CPLANE1: variants seen among roughly 807,000 people sequenced by gnomAD.
CPLANE1 encodes ciliogenesis and planar polarity effector 1.
CPLANE1 carries 263 observed loss-of-function variants against 362.5 expected under a neutral mutation model. The ratio of observed to expected loss-of-function variants is 0.73; its 90% CI spans 0.66 to 0.80. The LOEUF (loss-of-function observed/expected upper bound fraction) is 0.80. Among genes scored for constraint, CPLANE1 ranks in the 30% least tolerant of loss-of-function variants. CPLANE1 has a pLI of 0.00. For synonymous variants in CPLANE1, 1,212 were observed against 1,302.6 expected, an observed-to-expected ratio of 0.93 and a Z score of 1.50; for missense variants, 3,461 against 3,793.4, an observed-to-expected ratio of 0.91 and a Z score of 2.30.
intron 19 of CPLANE1, among the ~76,000 whole-genome samples, chr5:37,199,432 TC>T (rs1482759268): frequency 1.3e-5 from 2 of 152,180 alleles, no homozygotes; most frequent in Non-Finnish European, 2.9e-5. Flanking sequence ...GTGAAGCCCA[TC>T]CCTCTGTGCT....
intron 46 of CPLANE1, among the ~76,000 whole-genome samples, chr5:37,132,597 T>C (rs550755468): frequency 4.3e-4 from 66 of 152,260 alleles, no homozygotes; most frequent in Non-Finnish European, 7.4e-4. Context: ...CCGCCCGCCT[T>C]GGCCTCCCAA....
chr5:37,180,674 C>T (rs1214216084), intron 27 of CPLANE1, among the ~76,000 whole-genome samples, 183 bp downstream of exon 27: 1 of 152,048 alleles, frequency 6.6e-6, no homozygotes, highest in African/African-American at 2.4e-5. Context: ...TAAGCTAGAC[C>T]AAGAGGGAAG....
the CPLANE1 span, among the ~76,000 whole-genome samples, chr5:37,090,395 C>T: frequency 3.3e-5 from 5 of 152,172 alleles, no homozygotes; most frequent in Admixed American, 2.0e-4. Flanking sequence ...CTATTCAGGC[C>T]ACAAACAATG....
At chr5:37,154,342 T>C (rs1774405300) in intron 41 of CPLANE1, among the ~76,000 whole-genome samples, 1 of 152,132 alleles carries the variant, frequency 6.6e-6, no homozygotes, top group East Asian at 1.9e-4. Flanking sequence ...ATATTGGCTA[T>C]TACTGACTTT....
chr5:37,209,543 G>A lies in CPLANE1; in HGVS notation c.2921-3118C>T, dbSNP rs1489148028. The A allele has an allele frequency of 4.6e-6, 6 of 1,292,416 alleles. No homozygotes were observed. Among genetic ancestry groups the A allele is most frequent in the Non-Finnish European group, 6.8e-6 (6 of 888,186 alleles). The allele number at this position is 1,292,416 out of a possible 1,614,324, so 80.1% of individuals were successfully genotyped here. The stretch of plus-strand genomic sequence containing the variant: ...TATTGAGTGGAGAACTGCAACCTCA[G>A]TCCATTTCAGTGCAAGGGAGCTCCC... On this transcript the variant is annotated intron_variant, in intron 16 of 52. Coordinates refer to ENST00000651892, the MANE Select transcript of CPLANE1 (RefSeq NM_001384732.1). This position sits in a 1 kb window ranked among gnomAD's most constrained non-coding sequence, Gnocchi z 4.6.
At chr5:37,128,258 C>A (rs962374922) in intron 46 of CPLANE1, among the ~76,000 whole-genome samples, 22 of 152,230 alleles carry the variant, frequency 1.4e-4, no homozygotes, top group African/African-American at 4.3e-4. Flanking sequence ...TCAACTCAGT[C>A]ACCCAAGTAA....
chr5:37,137,096 C>CAG lies in CPLANE1; in HGVS notation c.8792+1623_8792+1624insCT, dbSNP rs2150336463. On this transcript the variant is annotated intron_variant, in intron 46 of 52. Coordinates refer to ENST00000651892, the MANE Select transcript of CPLANE1 (RefSeq NM_001384732.1). ...TTTTTCTTTTATATTGCACTGTCAG[C>CAG]CTGCAAATTTTCCAAACTTTCATGC... is the stretch of plus-strand genomic sequence containing the variant. Among the ~76,000 whole-genome samples the CAG allele has an allele frequency of 2.6e-5, 4 of 152,280 alleles. No homozygotes were observed. The South Asian group carries it at 8.3e-4, about 32-fold the overall frequency.
chr5:37,163,725 T>C (rs970122660), intron 37 of CPLANE1, among the ~76,000 whole-genome samples: 3 of 152,114 alleles, frequency 2.0e-5, no homozygotes, highest in Non-Finnish European at 2.9e-5. Flanking sequence ...GCTAGAGGTG[T>C]CTCTTTGCAA....
chr5:37,080,322 A>T, the CPLANE1 span, among the ~76,000 whole-genome samples: 1 of 152,206 alleles, frequency 6.6e-6, no homozygotes, highest in Admixed American at 6.5e-5. Context: ...GTCCAGGCAG[A>T]CCACAGTGCT....
intron 9 of CPLANE1, among the ~76,000 whole-genome samples, chr5:37,228,307 T>C (rs1403921095): frequency 6.6e-6 from 1 of 152,144 alleles, no homozygotes; most frequent in Non-Finnish European, 1.5e-5. Context: ...ACATACAATA[T>C]TGTTATTATG....
intron 46 of CPLANE1, 123 bp downstream of exon 46, chr5:37,138,594 GAAA>G: frequency 9.6e-7 from 1 of 1,042,042 alleles, no homozygotes; most frequent in Non-Finnish European, 1.4e-6. Flanking sequence ...AACAAAACAT[GAAA>G]AAAAAATCTA....
chr5:37,126,524 A>G (rs1339132455), intron 46 of CPLANE1, among the ~76,000 whole-genome samples: 4 of 152,322 alleles, frequency 2.6e-5, no homozygotes, highest in African/African-American at 9.6e-5. Flanking sequence ...GGGAGGGCTG[A>G]GAGCTGCATC....
intron 50 of CPLANE1, among the ~76,000 whole-genome samples, chr5:37,118,766 T>C (rs934967176): frequency 6.6e-6 from 1 of 151,062 alleles, no homozygotes; most frequent in East Asian, 1.9e-4. Context: ...CAAGCTGGAG[T>C]GCAGTGGTGC....
intron 51 of CPLANE1, among the ~76,000 whole-genome samples, chr5:37,112,133 C>T (rs1759539705): frequency 6.6e-6 from 1 of 152,204 alleles, no homozygotes; most frequent in South Asian, 2.1e-4. Flanking sequence ...TAGACATCGA[C>T]ATTCTTGTTT....
chr5:37,128,844 G>A (rs1764960805), intron 46 of CPLANE1, among the ~76,000 whole-genome samples: 1 of 148,506 alleles, frequency 6.7e-6, no homozygotes, highest in African/African-American at 2.5e-5. Flanking sequence ...GGGCAACTCT[G>A]TCAAAAAAAA....
At chr5:37,119,711 C>T (rs970833929) in intron 50 of CPLANE1, among the ~76,000 whole-genome samples, 4 of 142,474 alleles carry the variant, frequency 2.8e-5, no homozygotes, top group Non-Finnish European at 4.6e-5. Flanking sequence ...CAAGGCCGGG[C>T]GTGGTGGCTC....
chr5:37,192,908 C>T (rs1211003808), intron 21 of CPLANE1, among the ~76,000 whole-genome samples: 5 of 150,552 alleles, frequency 3.3e-5, no homozygotes, highest in Non-Finnish European at 7.4e-5. Flanking sequence ...GTGGCTCACG[C>T]CTGTAATCCC....
At chr5:37,121,818 A>G (rs1762725069) in intron 48 of CPLANE1, 34 bp from the exon 49 acceptor site, 2 of 1,543,016 alleles carry the variant, frequency 1.3e-6, no homozygotes, top group Non-Finnish European at 1.8e-6. Context: ...ATTTATTAAG[A>G]GTCACTTTCA....
chr5:37,125,561 G>T, intron 46 of CPLANE1, 152 bp from the exon 47 acceptor site: 1 of 641,372 alleles, frequency 1.6e-6, no homozygotes, highest in Non-Finnish European at 2.6e-6. Flanking sequence ...ACTCCAATTT[G>T]TTACCTGAAC....
Sources: gnomAD v4.1 joint callset for allele counts (sites outside exome capture counted in the v4.1 genomes callset) on GRCh38, gnomAD v4.1.1 for gene constraint, Gnocchi (gnomAD v3.1) non-coding constraint, MANE v1.5 for transcripts, NCBI Gene and HGNC (gene_info 2026-07-23, HGNC 2026-07-21) for gene names.